Variants in RNGTT observed in about 807,000 individuals in gnomAD.
RNGTT encodes the protein RNA guanylyltransferase and 5'-phosphatase.
In RNGTT, 33 loss-of-function variants were observed where a neutral mutation model predicts 79.3. The ratio of observed to expected loss-of-function variants is 0.42; its 90% confidence interval spans 0.32 to 0.56. RNGTT has a LOEUF of 0.56. Ranked by LOEUF, RNGTT falls within the 20% of genes least tolerant of loss-of-function variation. The probability of loss-of-function intolerance (pLI) is 0.17; values close to 1 mark genes in which losing one functional copy is unlikely to be tolerated. For missense variants in RNGTT, 497 were observed against 739.1 expected (o/e 0.67, Z 3.80); for synonymous variants, 222 against 235.9 (o/e 0.94, Z 0.54).
intron 1 of RNGTT, among the ~76,000 whole-genome samples, chr6:88,949,160 A>AAAAAAAAAAAAAAAAAAAAAAAAAAG (rs1562077168): frequency 2.9e-5 from 1 of 35,070 alleles, no homozygotes; most frequent in African/African-American, 1.5e-4. Context: ...AAATAAAATG[A>AAAAAAAAAAAAAAAAAAAAAAAAAAG]AAAAAAAAAA....
intron 14 of RNGTT, among the ~76,000 whole-genome samples, chr6:88,650,547 G>A (rs188074994): frequency 6.6e-6 from 1 of 151,480 alleles, no homozygotes; most frequent in Non-Finnish European, 1.5e-5. Context: ...TCAACTTTGG[G>A]CAAAAAAATG....
intron 13 of RNGTT, among the ~76,000 whole-genome samples, chr6:88,696,399 A>C (rs979454057): frequency 1.3e-5 from 2 of 152,190 alleles, no homozygotes; most frequent in Admixed American, 1.3e-4. Flanking sequence ...CAGGGAAATC[A>C]TTAAATACAA....
chr6:88,650,805 TAAAAGTAAAAGA>T (rs1019966095), intron 14 of RNGTT, among the ~76,000 whole-genome samples: 3 of 152,020 alleles, frequency 2.0e-5, no homozygotes, highest in African/African-American at 7.2e-5. Flanking sequence ...AGTAATCAAC[TAAAAGTAAAAGA>T]AAAACAACAA....
At chr6:88,931,018 G>A (rs1428961899) in intron 2 of RNGTT, among the ~76,000 whole-genome samples, 1 of 151,982 alleles carries the variant, frequency 6.6e-6, no homozygotes, top group Admixed American at 6.6e-5. Flanking sequence ...TTCAATATTT[G>A]CATTATACTT....
At chr6:88,629,107 G>C (rs1186391958) in intron 14 of RNGTT, among the ~76,000 whole-genome samples, 2 of 152,110 alleles carry the variant, frequency 1.3e-5, no homozygotes, top group Non-Finnish European at 2.9e-5. Flanking sequence ...GACAAACAAA[G>C]TAGGAGAAAT....
intron 10 of RNGTT, among the ~76,000 whole-genome samples, chr6:88,846,652 C>T (rs1453843329): frequency 2.0e-5 from 3 of 151,744 alleles, no homozygotes; most frequent in African/African-American, 4.8e-5. Context: ...CCCAGCTACT[C>T]GGAAGGCTGA....
intron 8 of RNGTT, among the ~76,000 whole-genome samples, chr6:88,879,257 G>C (rs1782618432): frequency 6.6e-6 from 1 of 152,158 alleles, no homozygotes; most frequent in African/African-American, 2.4e-5. Context: ...AGACAGGTGT[G>C]GTGGCATGCG....
chr6:88,831,438 C>T (rs531572398), intron 11 of RNGTT, among the ~76,000 whole-genome samples: 1 of 152,266 alleles, frequency 6.6e-6, no homozygotes, highest in African/African-American at 2.4e-5. Context: ...TGGAACTTAT[C>T]TCAAAATAAT....
chr6:88,787,356 G>C (rs115494345), intron 12 of RNGTT, among the ~76,000 whole-genome samples: 2 of 151,964 alleles, frequency 1.3e-5, no homozygotes, highest in African/African-American at 2.4e-5. Context: ...AAGATCACTC[G>C]ATATGGAGAG....
At chr6:88,950,259 A>G (rs1785198495) in intron 1 of RNGTT, among the ~76,000 whole-genome samples, 1 of 152,218 alleles carries the variant, frequency 6.6e-6, no homozygotes, top group Admixed American at 6.5e-5. Flanking sequence ...AAGAACTCTG[A>G]TGGAAATGTA....
intron 14 of RNGTT, 163 bp downstream of exon 14, chr6:88,678,190 C>T (rs934236319): frequency 1.6e-6 from 2 of 1,257,564 alleles, no homozygotes; most frequent in African/African-American, 1.5e-5. Context: ...GACAGGGTTC[C>T]CAGCATGGTC....
chr6:88,863,301 C>T (rs950673766), intron 8 of RNGTT, among the ~76,000 whole-genome samples: 5 of 152,086 alleles, frequency 3.3e-5, no homozygotes, highest in Non-Finnish European at 7.4e-5. Context: ...ATAAGCATAG[C>T]CATCTTTAGT....
rs1771963890 is a variant in RNGTT, at chr6:88,609,979, A to G, written c.*2740T>C. On this transcript the variant is annotated 3_prime_UTR_variant, in exon 16 of 16. Coordinates refer to ENST00000369485, the MANE Select transcript of RNGTT (RefSeq NM_003800.5). Reference sequence around the variant, plus strand: ...AAATAATGTAACAGAATATCTACTCATACAGTAGACTGCTAAGATTAGATG... The same window carrying G: ...AAATAATGTAACAGAATATCTACTCGTACAGTAGACTGCTAAGATTAGATG... 6.6e-6 allele frequency among the ~76,000 whole-genome samples: 1 copy of G among 152,258 alleles called. No individual in the cohort carries two copies. Among genetic ancestry groups the G allele is most frequent in the Non-Finnish European group, 1.5e-5 (1 of 68,044 alleles).
intron 13 of RNGTT, among the ~76,000 whole-genome samples, chr6:88,756,837 C>T (rs189575331): frequency 1.3e-5 from 2 of 152,254 alleles, no homozygotes; most frequent in South Asian, 2.1e-4. Context: ...GTGCTAGCAA[C>T]GTCGGGGAAA....
chr6:88,631,191 G>A (rs571724625), intron 14 of RNGTT, among the ~76,000 whole-genome samples: 3 of 152,248 alleles, frequency 2.0e-5, no homozygotes, highest in East Asian at 1.9e-4. Context: ...TGCTACAAAC[G>A]AAAAGTTCTT....
At chr6:88,892,267 T>C (rs546488937) in intron 6 of RNGTT, among the ~76,000 whole-genome samples, 2 of 152,234 alleles carry the variant, frequency 1.3e-5, no homozygotes, top group African/African-American at 4.8e-5. Flanking sequence ...CTGTACTGTA[T>C]TTATTTCAAA....
chr6:88,858,349 C>G (rs1227346649), intron 8 of RNGTT, among the ~76,000 whole-genome samples: 1 of 152,096 alleles, frequency 6.6e-6, no homozygotes, highest in Non-Finnish European at 1.5e-5. Context: ...CTCAACTTCA[C>G]ATCATTTACA....
At chr6:88,689,490 A>G (rs1775399092) in intron 13 of RNGTT, among the ~76,000 whole-genome samples, 1 of 151,876 alleles carries the variant, frequency 6.6e-6, no homozygotes. Context: ...GTTACTCAGG[A>G]AGTTGAAGCA....
chr6:88,698,890 G>A (rs1350459149), intron 13 of RNGTT, among the ~76,000 whole-genome samples: 2 of 152,152 alleles, frequency 1.3e-5, no homozygotes, highest in Non-Finnish European at 2.9e-5. Flanking sequence ...CTGATAACAG[G>A]AGAAAGCATG....
Sources: allele counts gnomAD v4.1 joint callset (sites outside exome capture counted in the v4.1 genomes callset), GRCh38; gene constraint gnomAD v4.1.1; transcripts MANE v1.5; gene names NCBI Gene and HGNC (gene_info 2026-07-23, HGNC 2026-07-21).